Variants in EML1 observed in about 807,000 individuals in gnomAD.
The protein encoded by EML1 is echinoderm microtubule-associated protein-like 1.
Under a neutral mutation model 110.4 loss-of-function variants are expected in EML1, and 27 were observed. That is an observed-to-expected ratio of 0.24 (90% CI 0.18 to 0.34). The LOEUF (loss-of-function observed/expected upper bound fraction) is 0.34. Among genes scored for constraint, EML1 ranks in the 10% least tolerant of loss-of-function variants. The pLI, the probability that EML1 is intolerant of heterozygous loss-of-function variation, is 1.00. For synonymous variants in EML1, 344 were observed against 385.8 expected (o/e 0.89, Z 1.27); for missense variants, 741 against 1,030.9 (o/e 0.72, Z 3.85).
chr14:99,931,175 A>G (rs1033963881), intron 17 of EML1, among the ~76,000 whole-genome samples: 1 of 152,162 alleles, frequency 6.6e-6, no homozygotes, highest in Non-Finnish European at 1.5e-5. Flanking sequence ...AATTACAATC[A>G]GTGTGCCAGG....
Position 99,835,037 on chromosome 14 carries a change from G to T in EML1, c.68-15816G>T, listed in dbSNP as rs1304824357. On this transcript the variant is annotated intron_variant, in intron 1 of 21. Coordinates refer to ENST00000262233, the MANE Select transcript of EML1 (RefSeq NM_004434.3). ...GGGTTTTCATTTGTTACCCAGGCAA[G>T]TCTCAAACTCCTGAGCTCAAGCAAT... Among the ~76,000 whole-genome samples the T allele has an allele frequency of 2.6e-5, 4 of 151,908 alleles. No individual in the cohort carries two copies. The South Asian group carries it at 6.2e-4, about 24-fold the overall frequency.
At chr14:99,776,008 A>G (rs1445644373) in intron 1 of EML1, among the ~76,000 whole-genome samples, 1 of 152,234 alleles carries the variant, frequency 6.6e-6, no homozygotes, top group Admixed American at 6.5e-5. Context: ...TGATTTTTCA[A>G]AACTATGGCT....
At chr14:99,917,710 C>G in intron 15 of EML1, 72 bp from the exon 16 acceptor site, 1 of 1,486,138 alleles carries the variant, frequency 6.7e-7, no homozygotes. Context: ...TGTGCACGCA[C>G]TCACGTGTGT....
chr14:99,789,090 C>T (rs1287502256), upstream of EML1, among the ~76,000 whole-genome samples: 1 of 152,176 alleles, frequency 6.6e-6, no homozygotes, highest in Admixed American at 6.5e-5. Flanking sequence ...TCCCACCCCT[C>T]GGCTATTGTG....
At chr14:99,859,839 T>C (rs373098067) in intron 2 of EML1, among the ~76,000 whole-genome samples, 2 of 152,322 alleles carry the variant, frequency 1.3e-5, no homozygotes, top group African/African-American at 4.8e-5. Context: ...ATATTCACGA[T>C]ACAAAATTGC....
chr14:99,888,097 C>T (rs901491873), intron 4 of EML1, among the ~76,000 whole-genome samples: 1 of 152,184 alleles, frequency 6.6e-6, no homozygotes, highest in Admixed American at 6.5e-5. Flanking sequence ...CTAAATACAG[C>T]ATACCACAAA....
chr14:99,863,318 T>C (rs534395013), intron 2 of EML1, among the ~76,000 whole-genome samples: 7 of 152,362 alleles, frequency 4.6e-5, no homozygotes, highest in African/African-American at 1.7e-4. Context: ...GGTTGTCATA[T>C]GTTTGTCATA....
intron 1 of EML1, among the ~76,000 whole-genome samples, chr14:99,829,756 A>G (rs554885184): frequency 6.6e-6 from 1 of 152,366 alleles, no homozygotes; most frequent in Admixed American, 6.5e-5. Flanking sequence ...CTCATACAAT[A>G]CTAGTCTTTT....
At chr14:99,791,637 C>T (rs553306466), upstream of EML1, among the ~76,000 whole-genome samples, 2 of 152,314 alleles carry the variant, frequency 1.3e-5, no homozygotes, top group African/African-American at 2.4e-5. Context: ...TCCCTCTGGC[C>T]GGCCCTTGGT....
rs2058384616 is a variant in EML1 at position 99,827,781 on chromosome 14, ATTGT to A, written c.68-23069_68-23066del. Among the ~76,000 whole-genome samples the A allele has an allele frequency of 6.6e-6, 1 of 152,034 alleles. No individual in the cohort carries two copies. On this transcript the variant is annotated intron_variant, in intron 1 of 21. Transcript: ENST00000262233. The surrounding 1 kb of genome is among the most constrained non-coding windows in gnomAD (Gnocchi z 4.4). ...TGATCTCAGATGTCCAGCCTCCAGG[ATTGT>A]TTAAGCCCCCCAGTCTGTAGTACTT...
rs772288863 is a variant in EML1, at chr14:99,812,560, ACGGCCCTCCCTGTACAAT to A, written c.67+19022_67+19039del. ...TGCGCCTCCCCACATGCATTGTCCC[ACGGCCCTCCCTGTACAAT>A]CGGCTCTTCACTTTGCCTGGCTCAG... On this transcript the variant is annotated intron_variant, in intron 1 of 21. Transcript: ENST00000262233. Among the ~76,000 whole-genome samples, 368 of 151,694 alleles carry A rather than the reference ACGGCCCTCCCTGTACAAT, an allele frequency of 2.4e-3. 4 individuals are homozygous for A. The highest frequency in any genetic ancestry group is 4.2e-3 in the Non-Finnish European group (284 of 67,810).
intron 5 of EML1, 73 bp from the exon 6 acceptor site, chr14:99,894,556 A>G: frequency 1.3e-6 from 2 of 1,510,422 alleles, no homozygotes; most frequent in African/African-American, 1.4e-5. Flanking sequence ...GAAAGGCTAG[A>G]GAGGATAAAG....
At chr14:99,737,999 G>A (rs1314807497) in intron 1 of EML1, 17 of 908,066 alleles carry the variant, frequency 1.9e-5, no homozygotes, top group African/African-American at 3.5e-5. Flanking sequence ...ACGCCTGGGG[G>A]GCCTGTGCCG....
intron 3 of EML1, among the ~76,000 whole-genome samples, chr14:99,873,142 T>C (rs1392013108): frequency 1.3e-5 from 2 of 152,228 alleles, no homozygotes; most frequent in East Asian, 3.8e-4. Flanking sequence ...ACATTTCTAC[T>C]GGTTCAAGAA....
chr14:99,786,061 C>CAAAAAA (rs56240053), intron 1 of EML1, among the ~76,000 whole-genome samples: 1 of 120,406 alleles, frequency 8.3e-6, no homozygotes, highest in African/African-American at 3.0e-5. Context: ...CCTGGCTGCT[C>CAAAAAA]AAAAAAAAAA....
chr14:99,897,065 A>T lies in EML1; in HGVS notation c.678-80A>T, dbSNP rs2059682746. On this transcript the variant is annotated intron_variant, in intron 6 of 21. Transcript: ENST00000262233. ...GATGGTAATAGTTATATGGTATTTT[A>T]TTGCCTGTGCCTGTTGAATAAAGCT... 4 of 1,296,932 alleles carry T rather than the reference A, an allele frequency of 3.1e-6. No individual in the cohort carries two copies. The Admixed American group carries it at 1.1e-4, about 35-fold the overall frequency. The allele number at this position is 1,296,932 out of a possible 1,614,324, so 80.3% of individuals were successfully genotyped here. A position where few individuals can be genotyped will look rare whatever the true frequency, so the allele number is the denominator to read the frequency against.
chr14:99,762,634 C>A (rs1054418567), intron 1 of EML1, among the ~76,000 whole-genome samples: 2 of 152,144 alleles, frequency 1.3e-5, no homozygotes, highest in African/African-American at 4.8e-5. Flanking sequence ...CCTTTCCGTA[C>A]AAAAAATTTT....
chr14:99,923,654 T>TTGAA (rs2060176688), intron 17 of EML1, among the ~76,000 whole-genome samples: 2 of 52,032 alleles, frequency 3.8e-5, no homozygotes, highest in African/African-American at 1.0e-3. Flanking sequence ...TTCACCTGTG[T>TTGAA]TTATCCCCGA....
chr14:99,930,287 C>T (rs1352865888), intron 17 of EML1, among the ~76,000 whole-genome samples: 2 of 152,188 alleles, frequency 1.3e-5, no homozygotes, highest in East Asian at 3.8e-4. Flanking sequence ...ACAGGCAGGC[C>T]CAGGTTTCAG....
Sources: gnomAD v4.1 joint callset for allele counts (sites outside exome capture counted in the v4.1 genomes callset) on GRCh38, gnomAD v4.1.1 for gene constraint, Gnocchi (gnomAD v3.1) non-coding constraint, MANE v1.5 for transcripts, NCBI Gene and HGNC (gene_info 2026-07-23, HGNC 2026-07-21) for gene names.